DNAH7: variants seen among roughly 807,000 people sequenced by gnomAD.
DNAH7 encodes dynein axonemal heavy chain 7, also known as axonemal beta dynein heavy chain 7.
A neutral mutation model predicts 444.6 loss-of-function variants in DNAH7; 397 were observed. The ratio of observed to expected loss-of-function variants is 0.89; its 90% CI spans 0.82 to 0.97. DNAH7 has a LOEUF of 0.97. Ranked by LOEUF, DNAH7 falls within the 50% of genes least tolerant of loss-of-function variation. DNAH7 has a pLI of 0.00. For synonymous variants in DNAH7, 1,636 were observed against 1,624.4 expected (o/e 1.01, Z -0.17); for missense variants, 4,902 against 4,800.8 (o/e 1.02, Z -0.62).
intron 17 of DNAH7, among the ~76,000 whole-genome samples, chr2:195,966,333 T>C (rs1438685101): frequency 6.6e-6 from 1 of 152,212 alleles, no homozygotes; most frequent in Non-Finnish European, 1.5e-5. Context: ...CATTTCCTTT[T>C]TTAAAATGTT....
At position 195,877,929 on chromosome 2, in the gene DNAH7, A is replaced by C. The variant is rs917260409; in HGVS notation, c.5962-1230T>G. ...AGAATAGCAAAAACTGGGAATGGGGAAGTTTAGAATAAAAGTAGGAATATA... is the reference window on the plus strand; with the variant it reads ...AGAATAGCAAAAACTGGGAATGGGGCAGTTTAGAATAAAAGTAGGAATATA... On this transcript the variant is annotated intron_variant, in intron 36 of 64. Coordinates refer to ENST00000312428, the MANE Select transcript of DNAH7 (RefSeq NM_018897.3). Among the ~76,000 whole-genome samples the C allele has an allele frequency of 4.6e-5, 7 of 152,330 alleles. 1 individual carries two copies. The South Asian group carries it at 1.4e-3, about 32-fold the overall frequency.
chr2:195,977,434 C>T (rs1324152507), intron 15 of DNAH7, among the ~76,000 whole-genome samples: 1 of 151,694 alleles, frequency 6.6e-6, no homozygotes, highest in African/African-American at 2.4e-5. Flanking sequence ...AGATAGGCTA[C>T]CTAAAAATAC....
Position 195,818,814 on chromosome 2 carries a change from CT to C in DNAH7, c.9292-986del, listed in dbSNP as rs542264145. On this transcript the variant is annotated intron_variant, in intron 49 of 64. Coordinates refer to ENST00000312428, the MANE Select transcript of DNAH7 (RefSeq NM_018897.3). ...ACCTTGGCTTCATTTGAAATCCTCACTTTTTTTTTCATGTATACTGCAGTCT... is the reference window on the plus strand; with the variant it reads ...ACCTTGGCTTCATTTGAAATCCTCACTTTTTTTTCATGTATACTGCAGTCT... 4.5e-4 allele frequency among the ~76,000 whole-genome samples: 68 copies of C among 151,542 alleles called. 1 individual carries two copies. Among genetic ancestry groups the C allele is most frequent in the Admixed American group, 9.2e-4 (14 of 15,194 alleles).
intron 46 of DNAH7, among the ~76,000 whole-genome samples, chr2:195,845,599 A>G (rs1698937693): frequency 6.6e-6 from 1 of 152,240 alleles, no homozygotes; most frequent in Admixed American, 6.5e-5. Context: ...GCATCACATT[A>G]TCTGACTTTG....
intron 58 of DNAH7, among the ~76,000 whole-genome samples, chr2:195,780,103 C>G (rs569432095): frequency 6.6e-6 from 1 of 152,092 alleles, no homozygotes; most frequent in Non-Finnish European, 1.5e-5. Flanking sequence ...AGCATAAATA[C>G]TCACACACCC....
intron 19 of DNAH7, among the ~76,000 whole-genome samples, chr2:195,937,346 A>C (rs1689124066): frequency 6.6e-6 from 1 of 152,160 alleles, no homozygotes; most frequent in South Asian, 2.1e-4. Flanking sequence ...CTTCTTGCTG[A>C]AGGACTGAAG....
chr2:196,049,533 T>A (rs531261584), intron 3 of DNAH7, among the ~76,000 whole-genome samples: 1 of 152,204 alleles, frequency 6.6e-6, no homozygotes, highest in South Asian at 2.1e-4. Context: ...AGGTCGTAAT[T>A]ACTGCTGGAG....
chr2:196,022,456 T>C (rs1432427155), intron 8 of DNAH7, among the ~76,000 whole-genome samples: 1 of 152,224 alleles, frequency 6.6e-6, no homozygotes, highest in Non-Finnish European at 1.5e-5. Context: ...ATATTCTAAA[T>C]CCTTTGTTGT....
At chr2:195,777,055 C>T (rs776337939) in intron 59 of DNAH7, among the ~76,000 whole-genome samples, 1 of 152,140 alleles carries the variant, frequency 6.6e-6, no homozygotes. Context: ...CAACATCTGC[C>T]CTTGGCTAGC....
At chr2:195,791,867 A>G (rs1453382723) in intron 57 of DNAH7, among the ~76,000 whole-genome samples, 1 of 152,160 alleles carries the variant, frequency 6.6e-6, no homozygotes, top group Non-Finnish European at 1.5e-5. Context: ...AAACACAGAC[A>G]TAAAGAAGGA....
At chr2:196,026,696 T>G (rs1695709096) in intron 7 of DNAH7, 64 bp downstream of exon 7, 1 of 1,164,848 alleles carries the variant, frequency 8.6e-7, no homozygotes, top group Non-Finnish European at 1.2e-6. Context: ...GTATTATTAA[T>G]ACAAAAATAA....
chr2:196,025,572 G>C (rs919402943), intron 7 of DNAH7, among the ~76,000 whole-genome samples: 1 of 152,182 alleles, frequency 6.6e-6, no homozygotes, highest in South Asian at 2.1e-4. Context: ...GCATGTTCCC[G>C]ACTAGACTGT....
chr2:195,988,583 G>A (rs1693083908), intron 12 of DNAH7, among the ~76,000 whole-genome samples: 1 of 151,812 alleles, frequency 6.6e-6, no homozygotes, highest in Non-Finnish European at 1.5e-5. Context: ...CATATTTATG[G>A]AATACAATGT....
chr2:195,794,253 T>G, intron 57 of DNAH7, 85 bp downstream of exon 57: 1 of 1,319,934 alleles, frequency 7.6e-7, no homozygotes, highest in Admixed American at 1.8e-5. Context: ...ATTTTTAGTT[T>G]TACTCAGTGC....
intron 9 of DNAH7, among the ~76,000 whole-genome samples, chr2:196,014,416 G>A (rs572684508): frequency 1.3e-5 from 2 of 152,162 alleles, no homozygotes; most frequent in East Asian, 3.9e-4. Context: ...CCCAGACCAT[G>A]AAACTCAGGA....
rs779999696 is a variant in DNAH7, at chr2:195,864,532, C to G, written c.7123G>C (p.Glu2375Gln). The G allele has an allele frequency of 6.2e-7, 1 of 1,614,156 alleles. No homozygotes were observed. Among genetic ancestry groups the G allele is most frequent in the Non-Finnish European group, 8.5e-7 (1 of 1,180,030 alleles). Reference protein sequence around the residue: ...VEISKGYDTTEWHEDLKVILR... With the variant: ...VEISKGYDTTQWHEDLKVILR... ...ATCACTTTTAAATCTTCATGCCATT[C>G]AGTAGTATCATACCCCTTAGAGATT... The change falls in exon 41 of 65, where the codon GAA (glutamate) becomes CAA (glutamine). Residue 2375 changes from glutamate to glutamine, a missense_variant. Physicochemically the swap from Glu to Gln is conservative, Grantham distance 29 (BLOSUM62 2). Coordinates refer to ENST00000312428, the MANE Select transcript of DNAH7 (RefSeq NM_018897.3).
chr2:195,873,272 G>C (rs1025238121), intron 39 of DNAH7, among the ~76,000 whole-genome samples: 1 of 152,176 alleles, frequency 6.6e-6, no homozygotes, highest in Non-Finnish European at 1.5e-5. Flanking sequence ...TTCTACTAGA[G>C]GGTATCAAAG....
intron 19 of DNAH7, among the ~76,000 whole-genome samples, chr2:195,955,365 T>C (rs1346068182): frequency 1.3e-5 from 2 of 152,210 alleles, no homozygotes; most frequent in Non-Finnish European, 2.9e-5. Flanking sequence ...GAGGGCTCTC[T>C]TCTGTTCCAT....
At chr2:195,843,730 C>T (rs1698818582) in intron 47 of DNAH7, among the ~76,000 whole-genome samples, 1 of 152,038 alleles carries the variant, frequency 6.6e-6, no homozygotes, top group Admixed American at 6.6e-5. Context: ...CTAAAGAAAT[C>T]CATATGTCAG....
Sources: gnomAD v4.1 joint callset for allele counts (sites outside exome capture counted in the v4.1 genomes callset) on GRCh38, gnomAD v4.1.1 for gene constraint, MANE v1.5 for transcripts, NCBI Gene and HGNC (gene_info 2026-07-23, HGNC 2026-07-21) for gene names.